The following FTCDNL1 variants were observed in gnomAD, a reference collection of about 807,000 sequenced individuals.
FTCDNL1 encodes formiminotransferase cyclodeaminase N-terminal like.
Under a neutral mutation model 5.9 loss-of-function variants are expected in FTCDNL1, and 11 were observed. The ratio of observed to expected loss-of-function variants is 1.87; its 90% CI spans 1.18 to 3.10. The LOEUF is 3.10. Among genes scored for constraint, FTCDNL1 ranks in the 30% most tolerant of loss-of-function variants. The pLI is 0.00. For missense variants in FTCDNL1, 115 were observed against 65.5 expected (o/e 1.76, Z -2.61); for synonymous variants, 58 against 24.8 (o/e 2.34, Z -3.99).
chr2:199,668,593 G>A, the FTCDNL1 span, among the ~76,000 whole-genome samples: 1 of 152,126 alleles, frequency 6.6e-6, no homozygotes, highest in Non-Finnish European at 1.5e-5. Flanking sequence ...AAGGAACCAA[G>A]AGATCAGGGA....
chr2:199,792,403 A>T (rs1699976913), intron 3 of FTCDNL1, among the ~76,000 whole-genome samples: 1 of 152,050 alleles, frequency 6.6e-6, no homozygotes, highest in African/African-American at 2.4e-5. Flanking sequence ...TCCTTTGAGG[A>T]TCCTTCCCTG....
chr2:199,812,051 C>T lies in FTCDNL1; in HGVS notation c.*654G>A, dbSNP rs1312498142. On this transcript the variant is annotated 3_prime_UTR_variant, in exon 5 of 5. Coordinates refer to ENST00000420128, the MANE Select transcript of FTCDNL1 (RefSeq NM_001363886.2). ...TAAAATAAGAGGTAATCACTTAACA[C>T]AGAATAATCATTTTTCAAACAGACC... Among the ~76,000 whole-genome samples the T allele has an allele frequency of 6.6e-6, 1 of 152,142 alleles. No homozygotes were observed. The highest frequency in any genetic ancestry group is 2.4e-5 in the African/African-American group (1 of 41,428).
intron 4 of FTCDNL1, among the ~76,000 whole-genome samples, chr2:199,817,314 C>T (rs1701407170): frequency 6.6e-6 from 1 of 152,204 alleles, no homozygotes; most frequent in South Asian, 2.1e-4. Context: ...TTTATACTAT[C>T]ATTAACAGTG....
At chr2:199,721,523 C>A in the FTCDNL1 span, among the ~76,000 whole-genome samples, 2 of 152,130 alleles carry the variant, frequency 1.3e-5, no homozygotes, top group Non-Finnish European at 2.9e-5. Flanking sequence ...TCCAGTCTAT[C>A]ATTAATGGGC....
At position 199,819,750 on chromosome 2, in the gene FTCDNL1, A is replaced by G. The variant is rs1701572893; in HGVS notation, c.219T>C (p.Ala73=). The G allele has an allele frequency of 4.3e-6, 3 of 699,992 alleles. No homozygotes were observed. The East Asian group carries it at 8.1e-5, about 19-fold the overall frequency. 43.4% of individuals were successfully genotyped at this position (699,992 alleles called of 1,614,324 possible). ...CAGGAACATGCAGCACCAGATCCTCAGCAAGGCCTGTGGCAGAGGGAATTT... is the reference window on the plus strand; with the variant it reads ...CAGGAACATGCAGCACCAGATCCTCGGCAAGGCCTGTGGCAGAGGGAATTT... The part of the protein sequence containing the change: ...IATSVDKLGL[A]EDLVLHVPGC... The change falls in exon 4 of 5, where the codon GCT becomes GCC. Residue 73 remains alanine (A), a synonymous_variant. Coordinates refer to ENST00000420128, the MANE Select transcript of FTCDNL1 (RefSeq NM_001363886.2).
In FTCDNL1 at chr2:199,811,951, A is replaced by T. The variant is rs1044520966; in HGVS notation, c.*754T>A. On this transcript the variant is annotated 3_prime_UTR_variant, in exon 5 of 5. Transcript: ENST00000420128. ...GATTGAAATGAAACTCTTATTTTTA[A>T]AATTCCTTCAAAAGCATAAAGTTCA... is the stretch of plus-strand genomic sequence containing the variant. Among the ~76,000 whole-genome samples the T allele has an allele frequency of 2.0e-5, 3 of 152,248 alleles. No homozygotes were observed. Among genetic ancestry groups the T allele is most frequent in the African/African-American group, 7.2e-5 (3 of 41,464 alleles).
chr2:199,713,316 T>A, the FTCDNL1 span, among the ~76,000 whole-genome samples: 1 of 151,830 alleles, frequency 6.6e-6, no homozygotes, highest in African/African-American at 2.4e-5. Context: ...AATGAAACAT[T>A]TTTTTTTGAA....
chr2:199,744,211 C>A, the FTCDNL1 span, among the ~76,000 whole-genome samples: 2 of 152,176 alleles, frequency 1.3e-5, no homozygotes, highest in Non-Finnish European at 2.9e-5. Flanking sequence ...CTGAGATGGA[C>A]TCTTTAAGCC....
the FTCDNL1 span, among the ~76,000 whole-genome samples, chr2:199,714,632 A>C: frequency 6.6e-6 from 1 of 152,160 alleles, no homozygotes; most frequent in African/African-American, 2.4e-5. Context: ...TTGACAGTGA[A>C]AAGAAACTCC....
At chr2:199,833,117 C>T (rs1702484479) in intron 3 of FTCDNL1, among the ~76,000 whole-genome samples, 1 of 152,128 alleles carries the variant, frequency 6.6e-6, no homozygotes, top group African/African-American at 2.4e-5. Context: ...TAGAGGTACA[C>T]AGCACCACAC....
the FTCDNL1 span, among the ~76,000 whole-genome samples, chr2:199,670,660 A>ATATG: frequency 6.6e-6 from 1 of 152,110 alleles, no homozygotes; most frequent in Admixed American, 6.6e-5. Flanking sequence ...ATGTATGTAT[A>ATATG]TATGTATGTA....
intron 3 of FTCDNL1, among the ~76,000 whole-genome samples, chr2:199,771,541 A>G (rs945300905): frequency 1.3e-5 from 2 of 152,278 alleles, no homozygotes; most frequent in African/African-American, 2.4e-5. Flanking sequence ...TTTTAAATAC[A>G]TAAAACACAG....
chr2:199,685,208 T>G, the FTCDNL1 span, among the ~76,000 whole-genome samples: 1 of 152,156 alleles, frequency 6.6e-6, no homozygotes, highest in Non-Finnish European at 1.5e-5. Context: ...CAATGGAACC[T>G]CTGAGACAAG....
chr2:199,707,483 T>C, the FTCDNL1 span, among the ~76,000 whole-genome samples: 47 of 152,262 alleles, frequency 3.1e-4, no homozygotes, highest in African/African-American at 1.1e-3. Flanking sequence ...AATATTTCAT[T>C]ATTTTCTTTT....
the FTCDNL1 span, among the ~76,000 whole-genome samples, chr2:199,736,494 G>A: frequency 4.5e-4 from 69 of 152,234 alleles, no homozygotes; most frequent in South Asian, 0.011. Flanking sequence ...CTTCTCAAAC[G>A]CTACCTGCAG....
chr2:199,850,023 G>C (rs774142889), intron 1 of FTCDNL1, among the ~76,000 whole-genome samples: 9 of 152,162 alleles, frequency 5.9e-5, no homozygotes, highest in Non-Finnish European at 1.3e-4. Context: ...AAAGTGCTCT[G>C]GTGCAAATAA....
chr2:199,698,814 A>G, the FTCDNL1 span, among the ~76,000 whole-genome samples: 1 of 152,288 alleles, frequency 6.6e-6, no homozygotes, highest in East Asian at 1.9e-4. Context: ...ACCCATACAA[A>G]AGAGAGCAAA....
At chr2:199,668,355 A>G in the FTCDNL1 span, among the ~76,000 whole-genome samples, 1 of 152,242 alleles carries the variant, frequency 6.6e-6, no homozygotes, top group African/African-American at 2.4e-5. Context: ...TATACCGCAC[A>G]TAGCAGTAGT....
chr2:199,688,300 C>T, the FTCDNL1 span, among the ~76,000 whole-genome samples: 1 of 151,760 alleles, frequency 6.6e-6, no homozygotes, highest in Non-Finnish European at 1.5e-5. Flanking sequence ...GGGTGTGCCT[C>T]ATCCTAAAGC....
Sources: gnomAD v4.1 joint callset for allele counts (sites outside exome capture counted in the v4.1 genomes callset) on GRCh38, gnomAD v4.1.1 for gene constraint, MANE v1.5 for transcripts, NCBI Gene and HGNC (gene_info 2026-07-23, HGNC 2026-07-21) for gene names.